The following MAST4 variants were observed in gnomAD, a reference collection of about 807,000 sequenced individuals.
MAST4 encodes microtubule associated serine/threonine kinase family member 4.
MAST4 carries 89 observed loss-of-function variants against 162.7 expected under a neutral mutation model. The observed-to-expected ratio is 0.55, with a 90% CI of 0.46 to 0.65. MAST4 has a LOEUF of 0.65. Among genes scored for constraint, MAST4 ranks in the 30% least tolerant of loss-of-function variants. The pLI, the probability that MAST4 is intolerant of heterozygous loss-of-function variation, is 0.00. For missense variants in MAST4, 3,153 were observed against 3,374.0 expected (o/e 0.93, Z 1.62); for synonymous variants, 1,479 against 1,361.1 (o/e 1.09, Z -1.91).
chr5:67,120,476 G>A (rs1251018905), intron 13 of MAST4, among the ~76,000 whole-genome samples: 2 of 152,154 alleles, frequency 1.3e-5, no homozygotes, highest in Admixed American at 6.5e-5. Flanking sequence ...TTAAAGAGCT[G>A]TCTTTTTGAA....
intron 1 of MAST4, among the ~76,000 whole-genome samples, chr5:66,657,903 A>G (rs1011350905): frequency 1.3e-5 from 2 of 152,228 alleles, no homozygotes; most frequent in African/African-American, 2.4e-5. Flanking sequence ...GGAAAGTAAA[A>G]AGTTGAAACA....
intron 3 of MAST4, among the ~76,000 whole-genome samples, chr5:66,798,136 C>A (rs924531728): frequency 6.6e-5 from 10 of 152,140 alleles, no homozygotes; most frequent in East Asian, 1.9e-4. Flanking sequence ...TAAGTCTGTG[C>A]ATTTGTTAGA....
chr5:66,816,816 T>C (rs541300334), intron 3 of MAST4, among the ~76,000 whole-genome samples: 8 of 152,332 alleles, frequency 5.3e-5, no homozygotes, highest in Non-Finnish European at 8.8e-5. Context: ...TTGTCTGCAC[T>C]TTGGGATCAC....
chr5:66,761,503 T>C (rs992333918), intron 2 of MAST4, among the ~76,000 whole-genome samples: 2 of 152,196 alleles, frequency 1.3e-5, no homozygotes, highest in African/African-American at 2.4e-5. Flanking sequence ...GTTTTCTTTC[T>C]ACATGATGGT....
At chr5:67,043,186 G>A (rs1020565159) in intron 4 of MAST4, among the ~76,000 whole-genome samples, 1 of 152,194 alleles carries the variant, frequency 6.6e-6, no homozygotes, top group Admixed American at 6.5e-5. Flanking sequence ...GATTAGCTAT[G>A]TAGCTAAATT....
chr5:66,923,973 A>G (rs941744361), intron 4 of MAST4, among the ~76,000 whole-genome samples: 4 of 152,258 alleles, frequency 2.6e-5, no homozygotes, highest in African/African-American at 9.6e-5. Context: ...TAAAAGAGTT[A>G]GGTGGCCCCT....
At chr5:66,930,623 C>A (rs999192167) in intron 4 of MAST4, 1 of 434,750 alleles carries the variant, frequency 2.3e-6, no homozygotes, top group African/African-American at 2.1e-5. Context: ...TTTTTTATGT[C>A]TCAAGGAATA....
At chr5:66,836,263 G>GTAA (rs1300335562) in intron 3 of MAST4, among the ~76,000 whole-genome samples, 1 of 152,146 alleles carries the variant, frequency 6.6e-6, no homozygotes, top group Non-Finnish European at 1.5e-5. Context: ...GGCTGTCTAT[G>GTAA]TAATGTATGT....
intron 1 of MAST4, 109 bp downstream of exon 1, chr5:66,597,127 G>A: frequency 1.6e-6 from 2 of 1,235,922 alleles, no homozygotes; most frequent in Non-Finnish European, 2.0e-6. Flanking sequence ...CTGGAGATAG[G>A]GAGGGACCCC....
intron 5 of MAST4, among the ~76,000 whole-genome samples, chr5:67,058,830 A>G (rs1490752440): frequency 6.6e-6 from 1 of 152,380 alleles, no homozygotes; most frequent in African/African-American, 2.4e-5. Context: ...GTGCCTTTCT[A>G]ATAAAAAGAA....
At chr5:66,888,957 A>G (rs1762207093) in intron 3 of MAST4, among the ~76,000 whole-genome samples, 1 of 152,238 alleles carries the variant, frequency 6.6e-6, no homozygotes, top group South Asian at 2.1e-4. Flanking sequence ...TGAACATTGA[A>G]GATGTTTGCC....
At chr5:67,033,266 TTCTC>T (rs1433422550) in intron 4 of MAST4, among the ~76,000 whole-genome samples, 1 of 151,140 alleles carries the variant, frequency 6.6e-6, no homozygotes, top group African/African-American at 2.4e-5. Flanking sequence ...AGTGAAATTT[TTCTC>T]TCAGCTGAGA....
chr5:67,076,829 C>G (rs1761708616), intron 5 of MAST4, among the ~76,000 whole-genome samples: 1 of 152,142 alleles, frequency 6.6e-6, no homozygotes, highest in Non-Finnish European at 1.5e-5. Flanking sequence ...TAAAGTGATT[C>G]CCAGATGAGC....
At chr5:67,141,213 C>A (rs1292232006) in intron 19 of MAST4, among the ~76,000 whole-genome samples, 2 of 152,196 alleles carry the variant, frequency 1.3e-5, no homozygotes, top group Non-Finnish European at 2.9e-5. Flanking sequence ...TTGCACCTAG[C>A]AGAGATCTTT....
chr5:67,038,975 A>G (rs1756380614), intron 4 of MAST4, among the ~76,000 whole-genome samples: 2 of 152,190 alleles, frequency 1.3e-5, no homozygotes, highest in South Asian at 2.1e-4. Flanking sequence ...TGTTTCTTTT[A>G]TGTAAACGAG....
rs192354928 is a variant in MAST4 at position 66,818,329 on chromosome 5, G to A, written c.642+29535G>A. ...ATCAGAGTCTTAGGGAAGAGCCATG[G>A]ACTCAATGTATACCTTGACCCCAAG... On this transcript the variant is annotated intron_variant, in intron 3 of 28. Transcript: ENST00000403625. Among the ~76,000 whole-genome samples, 392 of 152,142 alleles carry A rather than the reference G, an allele frequency of 2.6e-3. 3 individuals are homozygous for A. Among genetic ancestry groups the A allele is most frequent in the African/African-American group, 8.9e-3 (371 of 41,510 alleles).
intron 1 of MAST4, among the ~76,000 whole-genome samples, chr5:66,684,304 A>G (rs1405357576): frequency 6.6e-6 from 1 of 152,188 alleles, no homozygotes; most frequent in African/African-American, 2.4e-5. Context: ...AAAGGGAAGG[A>G]ATCTATTGTA....
intron 5 of MAST4, among the ~76,000 whole-genome samples, chr5:67,060,718 C>T (rs1042653190): frequency 2.0e-5 from 3 of 152,146 alleles, no homozygotes; most frequent in East Asian, 3.9e-4. Context: ...ACCTCGTGAT[C>T]CACCTGCCTC....
In MAST4 at chr5:67,163,884, C is replaced by G. The variant is rs764309022; in HGVS notation, c.4705C>G (p.Leu1569Val). The G allele has an allele frequency of 1.2e-6, 2 of 1,614,004 alleles. No individual in the cohort carries two copies. The highest frequency in any genetic ancestry group is 3.3e-5 in the Admixed American group (2 of 60,032). Residue 1569 changes from leucine to valine, a missense_variant, in exon 29 of 29, where the codon CTG (leucine) becomes GTG (valine). By Grantham distance (32) the Leu-to-Val change is conservative. This residue lies in a region of MAST4 where 1,644 missense variants were observed against 1,495.0 expected (regional missense o/e 1.10). Transcript: ENST00000403625. The surrounding 1 kb of genome is among the most constrained non-coding windows in gnomAD (Gnocchi z 7.0). ...TTTGGAAAACTTTGCTCTGTTTAAG[C>G]TGGAAGAGAGAGAGAAGAAAGTCTA... ...SDLENFALFKLEEREKKVYPK... is the reference protein window; with the variant it reads ...SDLENFALFKVEEREKKVYPK...
Sources: gnomAD v4.1 joint callset for allele counts (sites outside exome capture counted in the v4.1 genomes callset) on GRCh38, gnomAD v4.1.1 for gene constraint, gnomAD v4.1.1 regional missense constraint, Gnocchi (gnomAD v3.1) non-coding constraint, MANE v1.5 for transcripts, NCBI Gene and HGNC (gene_info 2026-07-23, HGNC 2026-07-21) for gene names.